The following MAGI1 variants were observed in gnomAD, a reference collection of about 807,000 sequenced individuals.
MAGI1 encodes membrane associated guanylate kinase, WW and PDZ domain containing 1.
Under a neutral mutation model 139.9 loss-of-function variants are expected in MAGI1, and 58 were observed. That is an observed-to-expected ratio of 0.41 (90% CI 0.34 to 0.52). MAGI1 has a LOEUF of 0.52. Among genes scored for constraint, MAGI1 ranks in the 20% least tolerant of loss-of-function variants. The pLI, the probability that MAGI1 is intolerant of heterozygous loss-of-function variation, is 0.12. For missense variants in MAGI1, 1,874 were observed against 1,901.6 expected (o/e 0.99, Z 0.27); for synonymous variants, 812 against 737.9 (o/e 1.10, Z -1.63).
At chr3:65,785,263 G>A (rs2039291960) in intron 1 of MAGI1, among the ~76,000 whole-genome samples, 2 of 152,114 alleles carry the variant, frequency 1.3e-5, no homozygotes, top group Admixed American at 6.6e-5. Context: ...ACAAGAGGGC[G>A]CTTTCCTCAC....
chr3:65,383,425 A>C, intron 15 of MAGI1, 107 bp downstream of exon 15: 1 of 776,852 alleles, frequency 1.3e-6, no homozygotes, highest in Non-Finnish European at 2.3e-6. Context: ...TTAAAGAGTC[A>C]GTGTTGCATC....
chr3:65,498,776 G>A (rs1478675799), intron 2 of MAGI1, among the ~76,000 whole-genome samples: 2 of 152,064 alleles, frequency 1.3e-5, no homozygotes, highest in African/African-American at 4.8e-5. Flanking sequence ...GTCTATCCTG[G>A]TAGCCCCTAG....
intron 1 of MAGI1, chr3:65,874,433 A>G (rs1000870097): frequency 6.6e-6 from 1 of 152,258 alleles, no homozygotes; most frequent in Non-Finnish European, 1.5e-5. Context: ...TAAAAGACAT[A>G]TAACACTATT....
At position 65,355,032 on chromosome 3, in the gene MAGI1, T is replaced by G. The variant is rs1940141209; in HGVS notation, c.*1346A>C. ...TGTAAGCAGCGGTTTGCTGTAGTGG[T>G]CCAACAGGTACAAGCAAACATTTTG... On this transcript the variant is annotated 3_prime_UTR_variant, in exon 23 of 23. Transcript: ENST00000402939. 1.3e-5 allele frequency: 2 copies of G among 152,620 alleles called. No individual in the cohort carries two copies. Among genetic ancestry groups the G allele is most frequent in the African/African-American group, 4.8e-5 (2 of 41,450 alleles). The allele number at this position is 152,620 out of a possible 1,614,324, so 9.5% of individuals were successfully genotyped here. A position where few individuals can be genotyped will look rare whatever the true frequency, so the allele number is the denominator to read the frequency against.
chr3:65,454,392 G>A (rs1033091284), intron 5 of MAGI1, among the ~76,000 whole-genome samples: 1 of 146,250 alleles, frequency 6.8e-6, no homozygotes, highest in African/African-American at 2.5e-5. Flanking sequence ...GGGGTTGGGG[G>A]AGGGGAGAGG....
Position 65,391,188 on chromosome 3 carries a change from A to G in MAGI1, c.2370T>C (p.Asp790=). ...QTDSSGQKKP[D]PFKIWAQSRS... ...TGGACTGGGCCCAGATTTTAAAAGG[A>G]TCTGGTTTTTTCTGGCCAGAGCTGT... is the stretch of plus-strand genomic sequence containing the variant. Residue 790 remains aspartate (D), a synonymous_variant, in exon 14 of 23, where the codon GAT becomes GAC. Coordinates refer to ENST00000402939, the MANE Select transcript of MAGI1 (RefSeq NM_001033057.2). 6.2e-7 allele frequency: 1 copy of G among 1,614,050 alleles called. No individual in the cohort carries two copies.
At chr3:65,401,530 C>T (rs1444180370) in intron 12 of MAGI1, 60 bp from the exon 13 acceptor site, 11 of 1,589,212 alleles carry the variant, frequency 6.9e-6, no homozygotes, top group African/African-American at 2.7e-5. Context: ...TAAATGTTAC[C>T]TTTTCCTTAA....
intron 1 of MAGI1, among the ~76,000 whole-genome samples, chr3:65,767,902 T>G (rs980028841): frequency 6.6e-6 from 1 of 152,230 alleles, no homozygotes; most frequent in Non-Finnish European, 1.5e-5. Context: ...TTATGCAATT[T>G]CATTGTTCCT....
chr3:65,662,109 C>A (rs2372191), intron 1 of MAGI1, among the ~76,000 whole-genome samples: 149,522 of 152,200 alleles, frequency 0.98, 73,423 homozygotes, highest in East Asian at 1. Flanking sequence ...CAAGAACTTT[C>A]ACAAGTTCAG....
At chr3:65,548,227 T>C (rs1385414870) in intron 2 of MAGI1, among the ~76,000 whole-genome samples, 1 of 152,102 alleles carries the variant, frequency 6.6e-6, no homozygotes, top group African/African-American at 2.4e-5. Context: ...ACTAGAGCCA[T>C]GGGGTATTGG....
chr3:65,598,976 T>C (rs1042110051), intron 2 of MAGI1, among the ~76,000 whole-genome samples: 1 of 152,196 alleles, frequency 6.6e-6, no homozygotes, highest in Non-Finnish European at 1.5e-5. Flanking sequence ...GCCTCCAGAC[T>C]GTCAAAGAAA....
chr3:65,430,190 G>A (rs1415734548), intron 11 of MAGI1, 50 bp from the exon 12 acceptor site: 3 of 1,581,282 alleles, frequency 1.9e-6, no homozygotes, highest in Non-Finnish European at 2.6e-6. Context: ...CCAGAAAATT[G>A]TCATCAGTAT....
chr3:65,535,970 T>C (rs1010477379), intron 2 of MAGI1, among the ~76,000 whole-genome samples: 2 of 152,188 alleles, frequency 1.3e-5, no homozygotes, highest in Non-Finnish European at 2.9e-5. Flanking sequence ...CTTGGTGAGG[T>C]GCTCACACCA....
At chr3:65,562,243 A>G (rs2108021303) in intron 2 of MAGI1, among the ~76,000 whole-genome samples, 1 of 152,314 alleles carries the variant, frequency 6.6e-6, no homozygotes, top group African/African-American at 2.4e-5. Context: ...CTAAAAAACA[A>G]AACCATAAAA....
intron 1 of MAGI1, among the ~76,000 whole-genome samples, chr3:65,729,360 TAC>T (rs2107724844): frequency 6.6e-6 from 1 of 152,304 alleles, no homozygotes; most frequent in Admixed American, 6.5e-5. Flanking sequence ...CAGCTAACAA[TAC>T]AGTTAGGATC....
At chr3:65,414,317 G>C (rs891219084) in intron 12 of MAGI1, among the ~76,000 whole-genome samples, 6 of 152,168 alleles carry the variant, frequency 3.9e-5, no homozygotes, top group African/African-American at 1.4e-4. Context: ...GGGTTACCCC[G>C]ATAACTTATA....
At chr3:65,629,625 C>G (rs1186270691) in intron 1 of MAGI1, among the ~76,000 whole-genome samples, 6 of 151,028 alleles carry the variant, frequency 4.0e-5, no homozygotes, top group Non-Finnish European at 8.8e-5. Flanking sequence ...TTTTTAAACA[C>G]AAAATTATAA....
At chr3:65,781,066 C>G (rs559264323) in intron 1 of MAGI1, among the ~76,000 whole-genome samples, 2 of 152,238 alleles carry the variant, frequency 1.3e-5, no homozygotes, top group East Asian at 3.9e-4. Flanking sequence ...CGTTGTGGCT[C>G]ATGCCTGTAA....
intron 1 of MAGI1, among the ~76,000 whole-genome samples, chr3:65,648,180 T>C (rs1466347343): frequency 6.6e-6 from 1 of 151,902 alleles, no homozygotes; most frequent in Non-Finnish European, 1.5e-5. Context: ...TTTGAAACAC[T>C]GTCACCTAGG....
Sources: allele counts gnomAD v4.1 joint callset (sites outside exome capture counted in the v4.1 genomes callset), GRCh38; gene constraint gnomAD v4.1.1; transcripts MANE v1.5; gene names NCBI Gene and HGNC (gene_info 2026-07-23, HGNC 2026-07-21).